LRMDA: variants seen among roughly 807,000 people sequenced by gnomAD.
The protein encoded by LRMDA is leucine-rich melanocyte differentiation-associated protein.
Under a neutral mutation model 29.8 loss-of-function variants are expected in LRMDA, and 18 were observed. That is an observed-to-expected ratio of 0.60 (90% CI 0.42 to 0.90). The LOEUF (loss-of-function observed/expected upper bound fraction) is 0.90, where lower values mean the gene tolerates loss of function less well. Ranked by LOEUF, LRMDA falls within the 40% of genes least tolerant of loss-of-function variation. The pLI is 0.00. For missense variants in LRMDA, 273 were observed against 273.9 expected (o/e 1.00, Z 0.02); for synonymous variants, 125 against 109.4 (o/e 1.14, Z -0.89).
intron 2 of LRMDA, among the ~76,000 whole-genome samples, chr10:75,493,580 C>G (rs1845012472): frequency 6.6e-6 from 1 of 152,012 alleles, no homozygotes; most frequent in South Asian, 2.1e-4. Flanking sequence ...GGAAGATACC[C>G]CGTCATTCTC....
Position 75,883,715 on chromosome 10 carries a change from G to T in LRMDA, c.132-152293G>T, listed in dbSNP as rs971418860. ...GAGCCGAGGTACTGAGTGAGGGAATGAAAGGAGGAGGGGGGAGAGGATCAT... is the reference window on the plus strand; with the variant it reads ...GAGCCGAGGTACTGAGTGAGGGAATTAAAGGAGGAGGGGGGAGAGGATCAT... On this transcript the variant is annotated intron_variant, in intron 2 of 6. Coordinates refer to ENST00000611255, the MANE Select transcript of LRMDA (RefSeq NM_001305581.2). 1.3e-4 allele frequency among the ~76,000 whole-genome samples: 19 copies of T among 151,938 alleles called. No individual in the cohort carries two copies. In the South Asian group the frequency reaches 3.3e-3, roughly 27 times the overall value.
At chr10:76,490,685 G>C (rs78063924) in intron 6 of LRMDA, among the ~76,000 whole-genome samples, 10,063 of 151,902 alleles carry the variant, frequency 0.066, 472 homozygotes, top group Non-Finnish European at 0.1. Context: ...TAGGTGAAGT[G>C]TATTTCCTAT....
At chr10:75,485,479 C>T (rs550918133) in intron 2 of LRMDA, among the ~76,000 whole-genome samples, 2 of 152,252 alleles carry the variant, frequency 1.3e-5, no homozygotes, top group South Asian at 2.1e-4. Flanking sequence ...TTACTGCAAC[C>T]TCCACCTTCA....
chr10:76,081,875 CCTTA>C (rs1386359820), intron 5 of LRMDA, among the ~76,000 whole-genome samples: 6 of 152,034 alleles, frequency 3.9e-5, no homozygotes, highest in South Asian at 2.1e-4. Flanking sequence ...AAACACTATC[CCTTA>C]CTTTGTTGTA....
intron 2 of LRMDA, among the ~76,000 whole-genome samples, chr10:75,929,290 G>A (rs1253555878): frequency 8.7e-6 from 1 of 114,290 alleles, no homozygotes; most frequent in Non-Finnish European, 1.8e-5. Context: ...TTAAATGCAT[G>A]ATCTATGTGT....
chr10:76,419,417 T>G (rs1211860707), intron 6 of LRMDA, among the ~76,000 whole-genome samples: 2 of 152,138 alleles, frequency 1.3e-5, no homozygotes, highest in Admixed American at 6.5e-5. Context: ...TATCACTTGA[T>G]AGCATGTTTC....
chr10:75,880,798 G>A (rs1213025181), intron 2 of LRMDA, among the ~76,000 whole-genome samples: 1 of 152,178 alleles, frequency 6.6e-6, no homozygotes, highest in African/African-American at 2.4e-5. Context: ...AAGCCAAGAG[G>A]CAAAACAAAA....
At chr10:75,987,944 G>C (rs1183933267) in intron 2 of LRMDA, among the ~76,000 whole-genome samples, 1 of 152,212 alleles carries the variant, frequency 6.6e-6, no homozygotes, top group African/African-American at 2.4e-5. Context: ...GAATGAGCAA[G>C]GTTTAAATAT....
At chr10:76,134,168 A>G (rs911617714) in intron 5 of LRMDA, among the ~76,000 whole-genome samples, 3 of 152,102 alleles carry the variant, frequency 2.0e-5, no homozygotes, top group Non-Finnish European at 4.4e-5. Context: ...CATCCCTGAC[A>G]AAGATGAATC....
intron 2 of LRMDA, among the ~76,000 whole-genome samples, chr10:75,899,545 G>A (rs1166383352): frequency 1.3e-5 from 2 of 152,184 alleles, no homozygotes; most frequent in Admixed American, 1.3e-4. Flanking sequence ...ACAGTTACTG[G>A]GTGGCTGTTA....
chr10:76,325,689 A>G (rs1306982279), intron 6 of LRMDA, among the ~76,000 whole-genome samples: 1 of 152,156 alleles, frequency 6.6e-6, no homozygotes, highest in African/African-American at 2.4e-5. Flanking sequence ...GGGTATTTTT[A>G]CTTTAGAGTC....
At chr10:75,529,396 G>A (rs1472311349) in intron 2 of LRMDA, among the ~76,000 whole-genome samples, 2 of 152,228 alleles carry the variant, frequency 1.3e-5, no homozygotes, top group African/African-American at 4.8e-5. Context: ...GAAGTGTGAA[G>A]ATAATTGTAG....
At chr10:76,002,492 AGTTCCTACATCT>A (rs1305529614) in intron 2 of LRMDA, among the ~76,000 whole-genome samples, 2 of 148,658 alleles carry the variant, frequency 1.3e-5, no homozygotes, top group Non-Finnish European at 3.0e-5. Context: ...TCCGAACTTC[AGTTCCTACATCT>A]GTAAAATGGG....
At chr10:75,613,631 G>GT (rs1841062234) in intron 2 of LRMDA, among the ~76,000 whole-genome samples, 1 of 152,096 alleles carries the variant, frequency 6.6e-6, no homozygotes, top group African/African-American at 2.4e-5. Context: ...GTTTCATCTT[G>GT]TTTTTTCACA....
chr10:75,834,073 T>C (rs1844392321), intron 2 of LRMDA, among the ~76,000 whole-genome samples: 1 of 152,210 alleles, frequency 6.6e-6, no homozygotes, highest in Non-Finnish European at 1.5e-5. Context: ...TTTATCAGCC[T>C]GTTTCTTGTC....
intron 2 of LRMDA, among the ~76,000 whole-genome samples, chr10:75,790,186 T>C (rs1034271661): frequency 1.3e-5 from 2 of 152,182 alleles, no homozygotes; most frequent in African/African-American, 4.8e-5. Context: ...CTGTGCATTG[T>C]AGGGTATTGA....
At chr10:75,606,135 G>A (rs528978866) in intron 2 of LRMDA, among the ~76,000 whole-genome samples, 1 of 152,324 alleles carries the variant, frequency 6.6e-6, no homozygotes, top group African/African-American at 2.4e-5. Context: ...TAGGATTACA[G>A]GCATGAGCCA....
At chr10:75,857,973 C>A (rs901186378) in intron 2 of LRMDA, among the ~76,000 whole-genome samples, 2 of 152,212 alleles carry the variant, frequency 1.3e-5, no homozygotes, top group Non-Finnish European at 2.9e-5. Flanking sequence ...TTCCTGTTCA[C>A]ATTTTTAATT....
rs565744927 is a variant in LRMDA at position 75,712,477 on chromosome 10, C to T, written c.131+273983C>T. 3.9e-4 allele frequency among the ~76,000 whole-genome samples: 59 copies of T among 151,854 alleles called. 1 individual carries two copies. In the South Asian group the frequency reaches 0.01, roughly 26 times the overall value. On this transcript the variant is annotated intron_variant, in intron 2 of 6. Transcript: ENST00000611255. ...GGTGGTGTGGGGTCCCTCGTGGCCT[C>T]GGGATGGCTGCAATGTGATTGTGAG...
Sources: allele counts gnomAD v4.1 joint callset (sites outside exome capture counted in the v4.1 genomes callset), GRCh38; gene constraint gnomAD v4.1.1; transcripts MANE v1.5; gene names NCBI Gene and HGNC (gene_info 2026-07-23, HGNC 2026-07-21).